The following PCDHGB1 variants were observed in gnomAD, a reference collection of about 807,000 sequenced individuals.
PCDHGB1 encodes the protein protocadherin gamma-B1.
Under a neutral mutation model 56.6 loss-of-function variants are expected in PCDHGB1, and 34 were observed. The observed-to-expected ratio is 0.60, with a 90% CI of 0.46 to 0.80. PCDHGB1 has a LOEUF of 0.80. Among genes scored for constraint, PCDHGB1 ranks in the 30% least tolerant of loss-of-function variants. The pLI is 0.00. For missense variants in PCDHGB1, 1,278 were observed against 1,204.6 expected (o/e 1.06, Z -0.90); for synonymous variants, 561 against 505.9 (o/e 1.11, Z -1.46).
chr5:141,510,222 G>A (rs891688596), intron 3 of PCDHGB1, among the ~76,000 whole-genome samples: 3 of 151,498 alleles, frequency 2.0e-5, no homozygotes, highest in Admixed American at 6.6e-5. Context: ...GCAGTGAGCC[G>A]GGATCGCGCC....
At chr5:141,418,563 C>T in intron 1 of PCDHGB1, 2 of 1,613,998 alleles carry the variant, frequency 1.2e-6, no homozygotes, top group Non-Finnish European at 1.7e-6. Context: ...GTAATAGATG[C>T]CAATGACAAC....
rs183257097 is a variant in PCDHGB1 at position 141,389,274 on chromosome 5, C to G, written c.2409+36605C>G. 189 of 1,614,032 alleles carry G rather than the reference C, an allele frequency of 1.2e-4. 1 individual carries two copies. In the East Asian group the frequency reaches 4.2e-3, roughly 36 times the overall value. On this transcript the variant is annotated intron_variant, in intron 1 of 3. Coordinates refer to ENST00000523390, the MANE Select transcript of PCDHGB1 (RefSeq NM_018922.3). ...TATAGTCCACGTGGCCGAGAACAACCCGCCTGGAGCCTCTATTTCACAAGT... is the reference window on the plus strand; with the variant it reads ...TATAGTCCACGTGGCCGAGAACAACGCGCCTGGAGCCTCTATTTCACAAGT...
chr5:141,436,875 A>C (rs1182313546), intron 1 of PCDHGB1, among the ~76,000 whole-genome samples: 3 of 152,236 alleles, frequency 2.0e-5, no homozygotes, highest in African/African-American at 7.2e-5. Context: ...TTAGGCCATA[A>C]AAGATGGGGG....
chr5:141,402,233 AT>A (rs1490030425), intron 1 of PCDHGB1, among the ~76,000 whole-genome samples: 1 of 152,070 alleles, frequency 6.6e-6, no homozygotes, highest in Non-Finnish European at 1.5e-5. Flanking sequence ...TTTTCCAGGA[AT>A]TTTATCATCA....
chr5:141,450,278 G>C (rs977381598), intron 1 of PCDHGB1, among the ~76,000 whole-genome samples: 1 of 152,026 alleles, frequency 6.6e-6, no homozygotes, highest in African/African-American at 2.4e-5. Flanking sequence ...TCAGCTAAGT[G>C]CTGGGATTAC....
chr5:141,357,153 GC>G, intron 1 of PCDHGB1: 12 of 1,613,624 alleles, frequency 7.4e-6, no homozygotes, highest in Non-Finnish European at 1.0e-5. Context: ...ACCATGGCCA[GC>G]CCCCTCTCTC....
chr5:141,374,945 A>G, intron 1 of PCDHGB1: 1 of 1,614,034 alleles, frequency 6.2e-7, no homozygotes, highest in Non-Finnish European at 8.5e-7. Flanking sequence ...TACAGAAAAG[A>G]TCTCACAAAT....
intron 1 of PCDHGB1, chr5:141,428,173 CGGA>C (rs770477048): frequency 1.3e-6 from 2 of 1,514,730 alleles, no homozygotes. Context: ...CTGTGCGTGA[CGGA>C]GGACAGCCGC....
rs1290682140 is a variant in PCDHGB1 at position 141,431,692 on chromosome 5, G to A, written c.2410-63115G>A. 1 of 1,614,132 alleles carries A rather than the reference G, an allele frequency of 6.2e-7. No homozygotes were observed. The highest frequency in any genetic ancestry group is 2.2e-5 in the East Asian group (1 of 44,888). On this transcript the variant is annotated intron_variant, in intron 1 of 3. Transcript: ENST00000523390. The surrounding 1 kb of genome is among the most constrained non-coding windows in gnomAD (Gnocchi z 4.8). The stretch of plus-strand genomic sequence containing the variant: ...CAATAGGGGAGTTGGACCACGAGGA[G>A]TCAGGATTCTACCAGATGGAAGTGC...
At chr5:141,417,460 A>G (rs1160577617) in intron 1 of PCDHGB1, 1 of 180,404 alleles carries the variant, frequency 5.5e-6, no homozygotes, top group Non-Finnish European at 1.1e-5. Flanking sequence ...GACCAAGTGG[A>G]AATATATTTC....
intron 2 of PCDHGB1, among the ~76,000 whole-genome samples, chr5:141,502,431 G>A (rs998074347): frequency 1.3e-5 from 2 of 151,948 alleles, no homozygotes; most frequent in African/African-American, 4.8e-5. Context: ...TTCTCTGATG[G>A]TTAGATTCAG....
At chr5:141,392,965 A>C in intron 1 of PCDHGB1, 1 of 1,613,890 alleles carries the variant, frequency 6.2e-7, no homozygotes, top group East Asian at 2.2e-5. Context: ...ATCTCCAAGG[A>C]CCTGGGGCTG....
rs377138746 is a variant in PCDHGB1 at position 141,432,481 on chromosome 5, C to T, written c.2410-62326C>T. ...CCCTCCCCACGGACGGTTCCACTGG[C>T]GTGGAGCTGGCTCCCCGCTCCGCAG... On this transcript the variant is annotated intron_variant, in intron 1 of 3. Transcript: ENST00000523390. This position sits in a 1 kb window ranked among gnomAD's most constrained non-coding sequence, Gnocchi z 6.0. The T allele has an allele frequency of 1.1e-5, 17 of 1,614,198 alleles. No individual in the cohort carries two copies. The African/African-American group carries it at 1.7e-4, about 16-fold the overall frequency.
intron 1 of PCDHGB1, chr5:141,419,278 A>G: frequency 6.2e-7 from 1 of 1,614,038 alleles, no homozygotes; most frequent in Non-Finnish European, 8.5e-7. Context: ...CCATAGCGCA[A>G]GTCAGTGCCT....
intron 1 of PCDHGB1, chr5:141,404,948 G>A (rs756928954): frequency 3.1e-6 from 5 of 1,613,838 alleles, no homozygotes; most frequent in African/African-American, 1.3e-5. Flanking sequence ...AGCCATAGCT[G>A]ACAGCATCCC....
At chr5:141,357,549 G>A in intron 1 of PCDHGB1, 2 of 1,614,218 alleles carry the variant, frequency 1.2e-6, no homozygotes, top group Non-Finnish European at 1.7e-6. Context: ...TCAGCCGGGA[G>A]AGTTGTGAGA....
chr5:141,478,378 G>C, intron 1 of PCDHGB1: 1 of 1,613,558 alleles, frequency 6.2e-7, no homozygotes, highest in Non-Finnish European at 8.5e-7. Flanking sequence ...TGATGTCGCC[G>C]CACCTTTACC....
intron 1 of PCDHGB1, among the ~76,000 whole-genome samples, chr5:141,473,990 G>A (rs988540565): frequency 2.0e-5 from 3 of 152,130 alleles, no homozygotes; most frequent in African/African-American, 7.2e-5. Flanking sequence ...GATCCCTTGA[G>A]CCCAAGGAGC....
chr5:141,385,157 A>G (rs1338074749), intron 1 of PCDHGB1: 1 of 1,614,208 alleles, frequency 6.2e-7, no homozygotes, highest in East Asian at 2.2e-5. Flanking sequence ...CTGCAGACCT[A>G]TTCCCATGAG....
Sources: allele counts gnomAD v4.1 joint callset (sites outside exome capture counted in the v4.1 genomes callset), GRCh38; gene constraint gnomAD v4.1.1; non-coding constraint Gnocchi (gnomAD v3.1); transcripts MANE v1.5; gene names NCBI Gene and HGNC (gene_info 2026-07-23, HGNC 2026-07-21).